The following OARD1 variants were observed in gnomAD, a reference collection of about 807,000 sequenced individuals.
The protein encoded by OARD1 is O-acyl-ADP-ribose deacylase 1, also known as ADP-ribose glycohydrolase OARD1.
Under a neutral mutation model 19.7 loss-of-function variants are expected in OARD1, and 19 were observed. The observed-to-expected ratio is 0.96, with a 90% CI of 0.67 to 1.41. OARD1 has a LOEUF of 1.41. OARD1 is among the 40% of genes most tolerant of loss of function. The pLI is 0.00. For missense variants in OARD1, 190 were observed against 183.8 expected (o/e 1.03, Z -0.20); for synonymous variants, 70 against 61.8 (o/e 1.13, Z -0.62).
intron 1 of OARD1, among the ~76,000 whole-genome samples, chr6:41,082,405 C>T (rs1763934410): frequency 6.6e-6 from 1 of 152,226 alleles, no homozygotes; most frequent in African/African-American, 2.4e-5. Flanking sequence ...GTAACATGCT[C>T]TTAACTGTAT....
intron 1 of OARD1, chr6:41,078,986 ATT>A (rs890113475): frequency 1.8e-4 from 167 of 948,336 alleles, no homozygotes; most frequent in Non-Finnish European, 2.3e-4. Context: ...TAAGGCCTTT[ATT>A]GACAATCTCA....
chr6:41,097,483 TG>T lies in OARD1; in HGVS notation c.-42+229del, dbSNP rs1169639405. ...CCAGGAAATTGATCAACTCTTCCAATGGGACATTGATGATCACATTCTGCCC... is the reference window on the plus strand; with the variant it reads ...CCAGGAAATTGATCAACTCTTCCAATGGACATTGATGATCACATTCTGCCC... On this transcript the variant is annotated intron_variant, in intron 1 of 4. Coordinates refer to the OARD1 transcript ENST00000480585. 5.4e-6 allele frequency: 8 copies of T among 1,489,016 alleles called. No homozygotes were observed. The African/African-American group carries it at 8.3e-5, about 15-fold the overall frequency. The allele number at this position is 1,489,016 out of a possible 1,614,324, so 92.2% of individuals were successfully genotyped here.
At chr6:41,072,398 G>A (rs1250170261), upstream of OARD1, 1 of 152,392 alleles carries the variant, frequency 6.6e-6, no homozygotes, top group Non-Finnish European at 1.5e-5. Flanking sequence ...ATCCGACCCT[G>A]GTAGGTGGGG....
chr6:41,091,125 A>G (rs892096711), intron 1 of OARD1, among the ~76,000 whole-genome samples: 2 of 152,216 alleles, frequency 1.3e-5, no homozygotes, highest in African/African-American at 4.8e-5. Context: ...AAGTTTTAAT[A>G]CTACAACTGA....
In OARD1 at chr6:41,067,388, T is replaced by C; in HGVS notation, c.406A>G (p.Ile136Val). 1 of 1,613,860 alleles carries C rather than the reference T, an allele frequency of 6.2e-7. No individual in the cohort carries two copies. The highest frequency in any genetic ancestry group is 1.1e-5 in the South Asian group (1 of 91,078). ...TCTGTTGCCTCAAATACCTCCTCGA[T>C]CATCGCAGATACATTTTCCCATTGC... ...RLQWENVSAM[I>V]EEVFEATDIK... The change falls in exon 6 of 6, where the codon ATC becomes GTC. Residue 136 changes from isoleucine to valine, a missense_variant. Coordinates refer to ENST00000424266, the MANE Select transcript of OARD1 (RefSeq NM_001329686.2).
At chr6:41,069,787 T>C (rs1456054885) in intron 4 of OARD1, 7 of 419,902 alleles carry the variant, frequency 1.7e-5, no homozygotes, top group Non-Finnish European at 3.0e-5. Flanking sequence ...AAATATAGTA[T>C]GGCAGGCATT....
chr6:41,073,292 C>T (rs990568518), upstream of OARD1, among the ~76,000 whole-genome samples: 2 of 151,666 alleles, frequency 1.3e-5, no homozygotes, highest in South Asian at 4.1e-4. Flanking sequence ...GGGGCCGCCC[C>T]GCGCGGGGAT....
At chr6:41,069,856 G>C (rs1763232140) in intron 4 of OARD1, 1 of 610,856 alleles carries the variant, frequency 1.6e-6, no homozygotes, top group East Asian at 3.1e-5. Flanking sequence ...CTTTCCCACA[G>C]AGCTGGGATG....
Position 41,091,495 on chromosome 6 carries a change from T to TAA in OARD1, c.-42+6217_-42+6218insTT, listed in dbSNP as rs771591307. The TAA allele has an allele frequency of 5.0e-6, 8 of 1,608,064 alleles. No individual in the cohort carries two copies. The Admixed American group carries it at 1.2e-4, about 24-fold the overall frequency. On this transcript the variant is annotated intron_variant, in intron 1 of 4. Coordinates refer to the OARD1 transcript ENST00000480585. ...CCTTCTTTCTGTTCTGTGTGCCTGT[T>TAA]TTTTGTTTGTTTTATGTTTTGTTTT...
At chr6:41,097,682 A>T in intron 1 of OARD1, 1 of 373,102 alleles carries the variant, frequency 2.7e-6, no homozygotes, top group East Asian at 5.2e-5. Context: ...AAGGAGACAC[A>T]TGCCACCCCA....
At chr6:41,081,217 C>T (rs1212550734) in intron 1 of OARD1, among the ~76,000 whole-genome samples, 3 of 152,076 alleles carry the variant, frequency 2.0e-5, no homozygotes, top group Non-Finnish European at 2.9e-5. Flanking sequence ...CGGCCGGGCG[C>T]GGTGGCTCAC....
rs993570524 is a variant in OARD1 at position 41,072,351 on chromosome 6, T to A, written c.-157A>T. The A allele has an allele frequency of 2.0e-5, 3 of 152,388 alleles. No individual in the cohort carries two copies. The highest frequency in any genetic ancestry group is 2.9e-5 in the Non-Finnish European group (2 of 68,158). The allele number at this position is 152,388 out of a possible 1,614,324, so 9.4% of individuals were successfully genotyped here. The stretch of plus-strand genomic sequence containing the variant: ...ACCCTTCACCTGGAAAGGAGTCGGT[T>A]GTTTGGAGGTCCCCGCCCCGCGGGG... On this transcript the variant is annotated 5_prime_UTR_variant, in exon 1 of 6. Coordinates refer to ENST00000424266, the MANE Select transcript of OARD1 (RefSeq NM_001329686.2).
chr6:41,065,414 C>A lies in OARD1; in HGVS notation c.*1921G>T, dbSNP rs972966109. On this transcript the variant is annotated 3_prime_UTR_variant, in exon 6 of 6. Transcript: ENST00000424266. Reference sequence around the variant, plus strand: ...TCAACTTAAGATGGGGTTACCCAGACATAGACCTAAGTTGAGGAGCATCTG... The same window carrying A: ...TCAACTTAAGATGGGGTTACCCAGAAATAGACCTAAGTTGAGGAGCATCTG... 18 of 152,208 alleles carry A rather than the reference C, an allele frequency of 1.2e-4. No homozygotes were observed. Among genetic ancestry groups the A allele is most frequent in the African/African-American group, 4.3e-4 (18 of 41,448 alleles). 9.4% of individuals were successfully genotyped at this position (152,208 alleles called of 1,614,324 possible). A position where few individuals can be genotyped will look rare whatever the true frequency, so the allele number is the denominator to read the frequency against.
chr6:41,071,629 G>C lies in OARD1; in HGVS notation c.6C>G (p.Ala2=). ...CTTCTGGATCTTCATTAAGGCTGCT[G>C]GCCATGATACTGAGTCGCTATTTCC... M[A]SSLNEDPEGS... The change falls in exon 2 of 6, where the codon GCC becomes GCG. Residue 2 remains alanine, a synonymous_variant. Coordinates refer to ENST00000424266, the MANE Select transcript of OARD1 (RefSeq NM_001329686.2). The C allele has an allele frequency of 6.2e-7, 1 of 1,613,186 alleles. No individual in the cohort carries two copies. Among genetic ancestry groups the C allele is most frequent in the Non-Finnish European group, 8.5e-7 (1 of 1,179,114 alleles).
intron 1 of OARD1, among the ~76,000 whole-genome samples, chr6:41,096,989 G>C (rs1764375740): frequency 6.6e-6 from 1 of 152,168 alleles, no homozygotes; most frequent in African/African-American, 2.4e-5. Context: ...TCAAAAAACA[G>C]TGACAAAAAT....
intron 1 of OARD1, among the ~76,000 whole-genome samples, chr6:41,080,230 G>C (rs955509088): frequency 2.6e-5 from 4 of 152,040 alleles, no homozygotes; most frequent in African/African-American, 9.7e-5. Context: ...AGGAAGGTTG[G>C]CTTAAGCCCA....
intron 1 of OARD1, chr6:41,093,171 A>C: frequency 2.3e-5 from 28 of 1,217,328 alleles, no homozygotes; most frequent in Non-Finnish European, 3.1e-5. Flanking sequence ...TTGTTTTCTC[A>C]CGTACCTTCC....
intron 1 of OARD1, among the ~76,000 whole-genome samples, chr6:41,095,179 C>A (rs1223651371): frequency 6.6e-6 from 1 of 152,168 alleles, no homozygotes; most frequent in East Asian, 1.9e-4. Flanking sequence ...CCTACCCTTT[C>A]CCATTTGCAC....
intron 1 of OARD1, among the ~76,000 whole-genome samples, chr6:41,088,910 C>T (rs1410562796): frequency 1.3e-5 from 2 of 152,136 alleles, no homozygotes; most frequent in African/African-American, 4.8e-5. Flanking sequence ...ATAGTATTTC[C>T]TCTGTAAAAA....
Sources: allele counts gnomAD v4.1 joint callset (sites outside exome capture counted in the v4.1 genomes callset), GRCh38; gene constraint gnomAD v4.1.1; transcripts MANE v1.5; gene names NCBI Gene and HGNC (gene_info 2026-07-23, HGNC 2026-07-21).